The following CDH12 variants were observed in gnomAD, a reference collection of about 807,000 sequenced individuals.
The protein encoded by CDH12 is cadherin 12.
CDH12 carries 41 observed loss-of-function variants against 74.1 expected under a neutral mutation model. That is an observed-to-expected ratio of 0.55 (90% CI 0.43 to 0.72). CDH12 has a LOEUF of 0.72. Among genes scored for constraint, CDH12 ranks in the 30% least tolerant of loss-of-function variants. The probability of loss-of-function intolerance (pLI) is 0.00; values close to 1 mark genes in which losing one functional copy is unlikely to be tolerated. For missense variants in CDH12, 945 were observed against 977.2 expected (o/e 0.97, Z 0.44); for synonymous variants, 399 against 355.0 (o/e 1.12, Z -1.39).
intron 5 of CDH12, among the ~76,000 whole-genome samples, chr5:21,990,795 G>A (rs1757710061): frequency 6.6e-6 from 1 of 151,564 alleles, no homozygotes; most frequent in South Asian, 2.1e-4. Context: ...GGGACAGGCA[G>A]GCTAACTTGG....
intron 1 of CDH12, among the ~76,000 whole-genome samples, chr5:22,566,481 C>T (rs2126758837): frequency 6.6e-6 from 1 of 152,146 alleles, no homozygotes; most frequent in South Asian, 2.1e-4. Flanking sequence ...CTCAGGTGAT[C>T]CACCGCCTCA....
chr5:22,291,166 C>A (rs1737372114), intron 3 of CDH12, among the ~76,000 whole-genome samples: 1 of 152,088 alleles, frequency 6.6e-6, no homozygotes, highest in Non-Finnish European at 1.5e-5. Context: ...CAAAATTCAA[C>A]ATCCTTTCAT....
intron 4 of CDH12, among the ~76,000 whole-genome samples, chr5:22,110,393 C>T (rs1744736287): frequency 6.6e-6 from 1 of 151,410 alleles, no homozygotes; most frequent in Non-Finnish European, 1.5e-5. Context: ...AGGTACGCTA[C>T]ATGGGAGACA....
At chr5:22,491,916 T>C (rs533267003) in intron 2 of CDH12, among the ~76,000 whole-genome samples, 16 of 152,326 alleles carry the variant, frequency 1.1e-4, no homozygotes, top group Admixed American at 5.9e-4. Context: ...CTTCTCTCTG[T>C]GTCTGTGGCC....
rs1561225730 is a variant in CDH12, at chr5:21,833,305, ATG to A, written c.814+8854_814+8855del. Among the ~76,000 whole-genome samples the A allele has an allele frequency of 9.4e-3, 351 of 37,342 alleles. 132 individuals are homozygous for A. The highest frequency in any genetic ancestry group is 0.044 in the African/African-American group (121 of 2,744). The allele number at this position is 37,342 out of a possible 152,430, so 24.5% of individuals were successfully genotyped here. On this transcript the variant is annotated intron_variant, in intron 8 of 14. Transcript: ENST00000382254. ...TTATATAACATATAATATATATTATATGTTATATGTTATATAATATATATTAT... is the reference window on the plus strand; with the variant it reads ...TTATATAACATATAATATATATTATATTATATGTTATATAATATATATTAT...
chr5:22,114,184 A>G (rs1464420264), intron 4 of CDH12, among the ~76,000 whole-genome samples: 7 of 152,106 alleles, frequency 4.6e-5, no homozygotes, highest in Non-Finnish European at 2.9e-5. Flanking sequence ...ACTTCCTATT[A>G]TCAGTTCCCC....
chr5:21,883,443 A>G lies in CDH12; in HGVS notation c.527-28653T>C. 8.7e-6 allele frequency: 14 copies of G among 1,602,048 alleles called. No homozygotes were observed. In the South Asian group the frequency reaches 1.5e-4, roughly 18 times the overall value. ...AGATGTTGATGGAGAAGCTCTAAGT[A>G]CACTCATCTTGAATAGGCTAAAGGT... On this transcript the variant is annotated intron_variant, in intron 6 of 14. Transcript: ENST00000382254.
At chr5:22,174,450 G>A (rs1449229691) in intron 4 of CDH12, among the ~76,000 whole-genome samples, 1 of 151,890 alleles carries the variant, frequency 6.6e-6, no homozygotes, top group Non-Finnish European at 1.5e-5. Context: ...AAGATCCAAT[G>A]GCATTTCTAA....
At chr5:22,668,606 C>A (rs760452096) in intron 1 of CDH12, among the ~76,000 whole-genome samples, 2 of 152,094 alleles carry the variant, frequency 1.3e-5, no homozygotes, top group African/African-American at 2.4e-5. Context: ...TAGTTTGGAT[C>A]TCTCTTCCTC....
chr5:22,440,680 C>T (rs1744589711), intron 2 of CDH12, among the ~76,000 whole-genome samples: 1 of 152,088 alleles, frequency 6.6e-6, no homozygotes, highest in South Asian at 2.1e-4. Flanking sequence ...TTCCTTGGTT[C>T]CTGTCCTCAT....
intron 1 of CDH12, among the ~76,000 whole-genome samples, chr5:22,508,336 T>C (rs1736475109): frequency 6.6e-6 from 1 of 152,136 alleles, no homozygotes; most frequent in African/African-American, 2.4e-5. Context: ...GTGACTTACT[T>C]TGCAACCTGA....
intron 6 of CDH12, among the ~76,000 whole-genome samples, chr5:21,919,416 CAT>C (rs1182453667): frequency 6.6e-6 from 1 of 151,882 alleles, no homozygotes; most frequent in East Asian, 1.9e-4. Context: ...GAAATTTAAA[CAT>C]GTTTTTATCG....
At chr5:21,758,676 G>T (rs549644222) in intron 13 of CDH12, among the ~76,000 whole-genome samples, 27 of 152,026 alleles carry the variant, frequency 1.8e-4, no homozygotes, top group Non-Finnish European at 3.8e-4. Context: ...TTTTGTAATG[G>T]TTGTAATTGT....
intron 1 of CDH12, among the ~76,000 whole-genome samples, chr5:22,711,011 T>C (rs1743260414): frequency 1.3e-5 from 2 of 152,190 alleles, no homozygotes; most frequent in African/African-American, 4.8e-5. Context: ...AGACTATTAA[T>C]GCCTAGAATT....
At chr5:21,880,612 C>CTTTCTTTCTTTCTTTCTCT in intron 6 of CDH12, among the ~76,000 whole-genome samples, 1 of 69,930 alleles carries the variant, frequency 1.4e-5, no homozygotes, top group African/African-American at 6.6e-5. Context: ...TCCTTCCTTC[C>CTTTCTTTCTTTCTTTCTCT]TTCCTTCTTT....
chr5:22,486,157 C>A (rs1746583902), intron 2 of CDH12, among the ~76,000 whole-genome samples: 1 of 152,126 alleles, frequency 6.6e-6, no homozygotes, highest in Non-Finnish European at 1.5e-5. Flanking sequence ...CCCATGATGT[C>A]CTTGCTGGCA....
At chr5:21,892,371 T>A (rs1049955999) in intron 6 of CDH12, among the ~76,000 whole-genome samples, 80 of 152,246 alleles carry the variant, frequency 5.3e-4, no homozygotes, top group African/African-American at 1.8e-3. Context: ...TACAACTTCC[T>A]TTAAAGAATC....
At chr5:22,024,060 G>C (rs4337820) in intron 5 of CDH12, among the ~76,000 whole-genome samples, 36,461 of 152,056 alleles carry the variant, frequency 0.24, 4,532 homozygotes, top group South Asian at 0.34. Flanking sequence ...CCACTACCAT[G>C]GGGAGGTGAT....
At chr5:22,342,916 T>G in intron 3 of CDH12, among the ~76,000 whole-genome samples, 1 of 151,894 alleles carries the variant, frequency 6.6e-6, no homozygotes, top group Non-Finnish European at 1.5e-5. Context: ...TGGCAGGATC[T>G]TAGCTTATTG....
Sources: gnomAD v4.1 joint callset for allele counts (sites outside exome capture counted in the v4.1 genomes callset) on GRCh38, gnomAD v4.1.1 for gene constraint, MANE v1.5 for transcripts, NCBI Gene and HGNC (gene_info 2026-07-23, HGNC 2026-07-21) for gene names.